Variants in ITSN1 observed in about 807,000 individuals in gnomAD.
The protein encoded by ITSN1 is intersectin-1.
ITSN1 carries 58 observed loss-of-function variants against 239.8 expected under a neutral mutation model. That is an observed-to-expected ratio of 0.24 (90% confidence interval 0.20 to 0.30). ITSN1 has a LOEUF of 0.30. Ranked by LOEUF, ITSN1 falls within the 10% of genes least tolerant of loss-of-function variation. ITSN1 has a pLI of 1.00. For missense variants in ITSN1, 1,558 were observed against 2,103.3 expected (o/e 0.74, Z 5.07); for synonymous variants, 780 against 770.8 (o/e 1.01, Z -0.20).
At chr21:33,850,233 G>A (rs993044359) in intron 29 of ITSN1, among the ~76,000 whole-genome samples, 3 of 152,198 alleles carry the variant, frequency 2.0e-5, no homozygotes, top group African/African-American at 7.2e-5. Context: ...CTTATTTGGA[G>A]TTACATTGGC....
intron 26 of ITSN1, among the ~76,000 whole-genome samples, chr21:33,828,043 A>G (rs182012979): frequency 1.3e-5 from 2 of 152,350 alleles, no homozygotes; most frequent in Non-Finnish European, 2.9e-5. Flanking sequence ...TCTCCGTTTT[A>G]AGTGTAAGTT....
At chr21:33,839,462 T>A (rs1183771253) in intron 29 of ITSN1, among the ~76,000 whole-genome samples, 1 of 151,644 alleles carries the variant, frequency 6.6e-6, no homozygotes, top group Non-Finnish European at 1.5e-5. Context: ...GTGTGGCTAT[T>A]GTAGATGGAG....
intron 1 of ITSN1, among the ~76,000 whole-genome samples, chr21:33,711,189 C>T (rs1185938239): frequency 6.6e-6 from 1 of 152,172 alleles, no homozygotes; most frequent in East Asian, 1.9e-4. Context: ...TTTATCTACA[C>T]TGTCAAATTT....
intron 32 of ITSN1, among the ~76,000 whole-genome samples, chr21:33,866,113 C>T (rs1486611409): frequency 6.6e-6 from 1 of 152,218 alleles, no homozygotes; most frequent in Non-Finnish European, 1.5e-5. Context: ...ATTTTGGAGA[C>T]AGGCCATCCT....
intron 5 of ITSN1, among the ~76,000 whole-genome samples, chr21:33,749,604 T>G (rs919918034): frequency 6.7e-6 from 1 of 150,190 alleles, no homozygotes; most frequent in Admixed American, 6.7e-5. Flanking sequence ...ATCACGCCAC[T>G]GCACTCCAGC....
intron 1 of ITSN1, among the ~76,000 whole-genome samples, chr21:33,678,374 T>C (rs1234893534): frequency 6.6e-6 from 1 of 152,232 alleles, no homozygotes; most frequent in African/African-American, 2.4e-5. Flanking sequence ...TGATCTTCTT[T>C]ATTTGTTTAC....
intron 31 of ITSN1, among the ~76,000 whole-genome samples, chr21:33,859,654 C>T (rs1980086877): frequency 6.6e-6 from 1 of 152,172 alleles, no homozygotes; most frequent in Non-Finnish European, 1.5e-5. Context: ...TGGGAAGTCC[C>T]CATTTCCTAA....
At chr21:33,875,040 A>G (rs970032949) in intron 33 of ITSN1, among the ~76,000 whole-genome samples, 1 of 152,214 alleles carries the variant, frequency 6.6e-6, no homozygotes, top group Non-Finnish European at 1.5e-5. Flanking sequence ...CTTGGGGTCC[A>G]CCCTGCGATG....
intron 1 of ITSN1, among the ~76,000 whole-genome samples, chr21:33,643,127 G>GCCTCCCGCCGGCCTCC (rs1402205119): frequency 6.6e-6 from 1 of 151,230 alleles, no homozygotes; most frequent in Non-Finnish European, 1.5e-5. Flanking sequence ...GCCCGGCCTC[G>GCCTCCCGCCGGCCTCC]CCTCCCGCCG....
chr21:33,703,107 G>GTGTT (rs1390889971), intron 1 of ITSN1, among the ~76,000 whole-genome samples: 6 of 151,332 alleles, frequency 4.0e-5, no homozygotes. Flanking sequence ...GTGTGTGTGT[G>GTGTT]TGTGTGTATA....
intron 1 of ITSN1, among the ~76,000 whole-genome samples, chr21:33,692,877 C>A (rs2091612263): frequency 6.6e-6 from 1 of 151,842 alleles, no homozygotes; most frequent in Admixed American, 6.6e-5. Context: ...TCAAGTGATT[C>A]TCCTGCCTCA....
chr21:33,727,856 T>C (rs2065923217), intron 4 of ITSN1, among the ~76,000 whole-genome samples: 1 of 152,114 alleles, frequency 6.6e-6, no homozygotes, highest in Non-Finnish European at 1.5e-5. Flanking sequence ...TCTTTCCTAC[T>C]GCTACCATCC....
intron 29 of ITSN1, among the ~76,000 whole-genome samples, chr21:33,849,897 G>C (rs1240863320): frequency 1.3e-5 from 2 of 152,066 alleles, no homozygotes; most frequent in Non-Finnish European, 2.9e-5. Flanking sequence ...GTCTGCCTTT[G>C]TACCCAAAAA....
At chr21:33,770,375 C>G (rs2069064739) in intron 11 of ITSN1, among the ~76,000 whole-genome samples, 1 of 152,078 alleles carries the variant, frequency 6.6e-6, no homozygotes, top group Non-Finnish European at 1.5e-5. Flanking sequence ...CTAATCTAAT[C>G]TTAACCTTCC....
chr21:33,895,177 A>C lies in ITSN1; in HGVS notation c.*6877A>C, dbSNP rs986323670. ...TCCCTGCCGCTGAGGCTGGGGCTGC[A>C]CGGAGGTCCTCAGGCTTCCCACCCT... On this transcript the variant is annotated 3_prime_UTR_variant, in exon 40 of 40. Coordinates refer to ENST00000381318, the MANE Select transcript of ITSN1 (RefSeq NM_003024.3). 6.6e-6 allele frequency: 1 copy of C among 152,284 alleles called. No individual in the cohort carries two copies. Among genetic ancestry groups the C allele is most frequent in the Admixed American group, 6.5e-5 (1 of 15,282 alleles). 9.4% of individuals were successfully genotyped at this position (152,284 alleles called of 1,614,324 possible). A position where few individuals can be genotyped will look rare whatever the true frequency, so the allele number is the denominator to read the frequency against.
At chr21:33,694,090 T>C (rs1405731483) in intron 1 of ITSN1, among the ~76,000 whole-genome samples, 1 of 152,250 alleles carries the variant, frequency 6.6e-6, no homozygotes, top group Non-Finnish European at 1.5e-5. Flanking sequence ...CGTAGCTCAC[T>C]GCAGCCTCCA....
At chr21:33,764,937 T>TA (rs1436420180) in intron 9 of ITSN1, among the ~76,000 whole-genome samples, 1 of 152,218 alleles carries the variant, frequency 6.6e-6, no homozygotes, top group African/African-American at 2.4e-5. Flanking sequence ...AGGAAACACT[T>TA]AGACTCTGTG....
At chr21:33,793,581 T>C (rs80026696) in intron 16 of ITSN1, among the ~76,000 whole-genome samples, 2 of 152,358 alleles carry the variant, frequency 1.3e-5, no homozygotes, top group African/African-American at 4.8e-5. Flanking sequence ...TTGAGTACTT[T>C]AAATATCATA....
intron 16 of ITSN1, among the ~76,000 whole-genome samples, chr21:33,790,454 TCTAC>T (rs2071032697): frequency 6.6e-6 from 1 of 152,132 alleles, no homozygotes; most frequent in Non-Finnish European, 1.5e-5. Flanking sequence ...TATTACATAC[TCTAC>T]CTAGTGTAAA....
Sources: gnomAD v4.1 joint callset for allele counts (sites outside exome capture counted in the v4.1 genomes callset) on GRCh38, gnomAD v4.1.1 for gene constraint, MANE v1.5 for transcripts, NCBI Gene and HGNC (gene_info 2026-07-23, HGNC 2026-07-21) for gene names.